Variants in WEE2 observed in about 807,000 individuals in gnomAD.
WEE2 encodes WEE2 oocyte meiosis inhibiting kinase.
In WEE2, 50 loss-of-function variants were observed where a neutral mutation model predicts 60.1. That is an observed-to-expected ratio of 0.83 (90% confidence interval 0.66 to 1.05). The LOEUF (loss-of-function observed/expected upper bound fraction) is 1.05, where lower values mean the gene tolerates loss of function less well. Among genes scored for constraint, WEE2 ranks in the 50% least tolerant of loss-of-function variants. WEE2 has a pLI of 0.00. For missense variants in WEE2, 631 were observed against 684.3 expected, an observed-to-expected ratio of 0.92 and a Z score of 0.87; for synonymous variants, 240 against 241.0, an observed-to-expected ratio of 1.00 and a Z score of 0.04.
In WEE2 at chr7:141,708,746, C is replaced by A. The variant is rs1241303631; in HGVS notation, c.-13C>A. On this transcript the variant is annotated 5_prime_UTR_variant, in exon 1 of 12. Coordinates refer to ENST00000397541, the MANE Select transcript of WEE2 (RefSeq NM_001105558.1). The stretch of plus-strand genomic sequence containing the variant: ...AGAGCTTTTTGTCTGTGTTGTAAAG[C>A]TCTTTGGCTGAGATGGATGACAAAG... 1 of 1,605,460 alleles carries A rather than the reference C, an allele frequency of 6.2e-7. No individual in the cohort carries two copies. Among genetic ancestry groups the A allele is most frequent in the Admixed American group, 1.7e-5 (1 of 59,588 alleles).
At chr7:141,717,956 T>C (rs1013993459) in intron 3 of WEE2, among the ~76,000 whole-genome samples, 6 of 152,084 alleles carry the variant, frequency 3.9e-5, no homozygotes, top group Admixed American at 2.6e-4. Flanking sequence ...GAATTTCTCA[T>C]GGGAAACAAT....
At chr7:141,712,917 T>C (rs1798732148) in intron 1 of WEE2, among the ~76,000 whole-genome samples, 1 of 152,228 alleles carries the variant, frequency 6.6e-6, no homozygotes, top group Admixed American at 6.5e-5. Context: ...AATATCATTA[T>C]AGTTTCACTT....
At chr7:141,726,194 T>C (rs559275612) in intron 9 of WEE2, among the ~76,000 whole-genome samples, 1 of 152,364 alleles carries the variant, frequency 6.6e-6, no homozygotes, top group East Asian at 1.9e-4. Context: ...CTTTAAATCA[T>C]GTCTTAAGGA....
chr7:141,730,434 G>C lies in WEE2; in HGVS notation c.*114G>C. 1 of 970,752 alleles carries C rather than the reference G, an allele frequency of 1.0e-6. No homozygotes were observed. The highest frequency in any genetic ancestry group is 1.6e-6 in the Non-Finnish European group (1 of 637,160). The allele number at this position is 970,752 out of a possible 1,614,324, so 60.1% of individuals were successfully genotyped here. ...TGTACATAGAAAGGAATAGAATTTA[G>C]TTTAGAGTTGAAGTCACAGCTTACA... is the stretch of plus-strand genomic sequence containing the variant. On this transcript the variant is annotated 3_prime_UTR_variant, in exon 12 of 12. Coordinates refer to ENST00000397541, the MANE Select transcript of WEE2 (RefSeq NM_001105558.1).
chr7:141,726,862 C>G (rs1221893509), intron 9 of WEE2, among the ~76,000 whole-genome samples: 1 of 152,114 alleles, frequency 6.6e-6, no homozygotes, highest in African/African-American at 2.4e-5. Context: ...GTTACATCGT[C>G]TACCTTAAAA....
chr7:141,718,961 T>C (rs776162742), intron 3 of WEE2, 111 bp from the exon 4 acceptor site: 11 of 1,011,778 alleles, frequency 1.1e-5, no homozygotes, highest in South Asian at 3.4e-5. Flanking sequence ...TGCAGTCACC[T>C]CAAAAGTCTT....
intron 5 of WEE2, among the ~76,000 whole-genome samples, chr7:141,722,594 A>G (rs1362793499): frequency 1.3e-5 from 2 of 152,174 alleles, no homozygotes; most frequent in Non-Finnish European, 2.9e-5. Context: ...GCAGTCATTA[A>G]ATATTTTATG....
chr7:141,729,556 C>T lies in WEE2; in HGVS notation c.1561C>T (p.Gln521Ter), dbSNP rs1198846824. ...GGAACTGAGAGAAGCCCAGCAGGCC[C>T]AGTCACCCCAGGGATATACCCATCA... ...ERELREAQQA[Q>*]SPQGYTHHGD... The change falls in exon 11 of 12, where the codon CAG becomes TAG. Residue 521 changes from glutamine to a stop codon, truncating the protein, a stop_gained. Coordinates refer to ENST00000397541, the MANE Select transcript of WEE2 (RefSeq NM_001105558.1). LOFTEE classifies it high-confidence loss of function. 5 of 1,614,074 alleles carry T rather than the reference C, an allele frequency of 3.1e-6. No homozygotes were observed. Among genetic ancestry groups the T allele is most frequent in the Non-Finnish European group, 4.2e-6 (5 of 1,180,040 alleles).
At chr7:141,716,370 C>G in intron 3 of WEE2, 103 bp downstream of exon 3, 1 of 1,091,656 alleles carries the variant, frequency 9.2e-7, no homozygotes, top group Non-Finnish European at 1.3e-6. Context: ...CTCCTCCCTT[C>G]TTCCCTACCC....
intron 4 of WEE2, among the ~76,000 whole-genome samples, chr7:141,719,940 T>C (rs1053955606): frequency 4.6e-5 from 7 of 152,138 alleles, no homozygotes; most frequent in Non-Finnish European, 5.9e-5. Context: ...ACATTAACAA[T>C]GAATTCAATA....
chr7:141,719,608 A>G (rs1002463616), intron 4 of WEE2, among the ~76,000 whole-genome samples: 5 of 151,878 alleles, frequency 3.3e-5, no homozygotes, highest in Non-Finnish European at 5.9e-5. Flanking sequence ...GCACCACTAC[A>G]CCTGGCTAAT....
chr7:141,714,750 G>A (rs762832412), intron 2 of WEE2, among the ~76,000 whole-genome samples: 1 of 152,212 alleles, frequency 6.6e-6, no homozygotes, highest in Non-Finnish European at 1.5e-5. Flanking sequence ...GGAACGTGTA[G>A]CTCAAACTTC....
rs1175550590 is a variant in WEE2 at position 141,714,353 on chromosome 7, T to C, written c.487T>C (p.Tyr163His). The C allele has an allele frequency of 5.0e-6, 8 of 1,612,510 alleles. No homozygotes were observed. The highest frequency in any genetic ancestry group is 1.3e-5 in the African/African-American group (1 of 74,794). The change falls in exon 2 of 12, where the codon TAT becomes CAT. Residue 163 changes from tyrosine to histidine, a missense_variant. Transcript: ENST00000397541. ...VNINPFTPES[Y>H]KKLFLQSGGK... is the part of the protein sequence containing the mutation. ...TATTAATCCCTTCACTCCAGAGTCC[T>C]ATAAAAAATTATTTCTTCAATCTGG...
chr7:141,714,387 G>A lies in WEE2; in HGVS notation c.521G>A (p.Arg174Lys), dbSNP rs972529433. 5 of 1,610,680 alleles carry A rather than the reference G, an allele frequency of 3.1e-6. No individual in the cohort carries two copies. The highest frequency in any genetic ancestry group is 3.4e-5 in the Admixed American group (2 of 59,346). ...KKLFLQSGGK[R>K]KIRGDLEEAG... ...TTATTTCTTCAATCTGGTGGCAAGA[G>A]GAAAATAAGAGGAGATCTGTAAGTG... The change falls in exon 2 of 12, where the codon AGG (arginine) becomes AAG (lysine). Residue 174 changes from arginine to lysine, a missense_variant. Transcript: ENST00000397541.
intron 2 of WEE2, among the ~76,000 whole-genome samples, chr7:141,715,677 G>C (rs376667465): frequency 6.6e-6 from 1 of 152,098 alleles, no homozygotes; most frequent in African/African-American, 2.4e-5. Context: ...CCTGTGAACC[G>C]ATTACAAAGC....
Position 141,721,041 on chromosome 7 carries a change from A to C in WEE2, c.865A>C (p.Asn289His), listed in dbSNP as rs1331035001. ...AGAAGATGACCACATGATCATTCAG[A>C]ATGAATACTGCAATGGTAAGTAGTA... ...WAEDDHMIIQ[N>H]EYCNGGSLQA... is the part of the protein sequence containing the mutation. The change falls in exon 5 of 12, where the codon AAT becomes CAT. Residue 289 changes from asparagine (N) to histidine (H), a missense_variant. Transcript: ENST00000397541. The C allele has an allele frequency of 6.2e-7, 1 of 1,614,106 alleles. No homozygotes were observed. Among genetic ancestry groups the C allele is most frequent in the Non-Finnish European group, 8.5e-7 (1 of 1,180,026 alleles).
At chr7:141,725,365 A>G (rs1279780188) in intron 9 of WEE2, among the ~76,000 whole-genome samples, 169 bp downstream of exon 9, 1 of 152,148 alleles carries the variant, frequency 6.6e-6, no homozygotes, top group East Asian at 1.9e-4. Context: ...GGTGGCTCAC[A>G]CCTGTAATCT....
chr7:141,727,696 A>G (rs983674199), intron 10 of WEE2: 1 of 444,596 alleles, frequency 2.2e-6, no homozygotes, highest in South Asian at 5.1e-5. Context: ...AGTGAGGAAT[A>G]TAAGGAAATA....
rs987807005 is a variant in WEE2 at position 141,711,640 on chromosome 7, T to A, written c.342+2540T>A. The A allele has an allele frequency of 6.6e-6, 1 of 152,232 alleles. No homozygotes were observed. Among genetic ancestry groups the A allele is most frequent in the Non-Finnish European group, 1.5e-5 (1 of 68,048 alleles). 9.4% of individuals were successfully genotyped at this position (152,232 alleles called of 1,614,324 possible). A position where few individuals can be genotyped will look rare whatever the true frequency, so the allele number is the denominator to read the frequency against. Reference sequence around the variant, plus strand: ...GTGGCTAAAAGCATAGAACACTCATTGATGACCGACCACTTGGTAGAAATA... The same window carrying A: ...GTGGCTAAAAGCATAGAACACTCATAGATGACCGACCACTTGGTAGAAATA... On this transcript the variant is annotated intron_variant, in intron 1 of 11. Transcript: ENST00000397541. The surrounding 1 kb of genome is among the most constrained non-coding windows in gnomAD (Gnocchi z 4.2).
Sources: gnomAD v4.1 joint callset for allele counts (sites outside exome capture counted in the v4.1 genomes callset) on GRCh38, gnomAD v4.1.1 for gene constraint, Gnocchi (gnomAD v3.1) non-coding constraint, MANE v1.5 for transcripts, NCBI Gene and HGNC (gene_info 2026-07-23, HGNC 2026-07-21) for gene names.